The following BLOC1S2 variants were observed in gnomAD, a reference collection of about 807,000 sequenced individuals.
BLOC1S2 encodes biogenesis of lysosome-related organelles complex 1 subunit 2.
A neutral mutation model predicts 19.6 loss-of-function variants in BLOC1S2; 12 were observed. The observed-to-expected ratio is 0.61, with a 90% CI of 0.39 to 0.99. The LOEUF is 0.99. BLOC1S2 is among the 50% of genes least tolerant of loss of function. BLOC1S2 has a pLI of 0.00. For synonymous variants in BLOC1S2, 66 were observed against 64.1 expected (o/e 1.03, Z -0.14); for missense variants, 142 against 171.0 (o/e 0.83, Z 0.95).
chr10:100,275,329 G>A lies in BLOC1S2; in HGVS notation c.*133C>T, dbSNP rs780342093. On this transcript the variant is annotated 3_prime_UTR_variant, in exon 5 of 5. Coordinates refer to ENST00000370372, the MANE Select transcript of BLOC1S2 (RefSeq NM_173809.5). Reference sequence around the variant, plus strand: ...CAGTCCTCCAGTTTACTCGAACGTTGAGATGTTCCTGTGATGACCAGCATA... The same window carrying A: ...CAGTCCTCCAGTTTACTCGAACGTTAAGATGTTCCTGTGATGACCAGCATA... The A allele has an allele frequency of 9.1e-4, 800 of 880,012 alleles. No homozygotes were observed. The highest frequency in any genetic ancestry group is 9.5e-4 in the Admixed American group (41 of 43,240). The allele number at this position is 880,012 out of a possible 1,614,324, so 54.5% of individuals were successfully genotyped here. A position where few individuals can be genotyped will look rare whatever the true frequency, so the allele number is the denominator to read the frequency against.
chr10:100,280,341 A>T (rs1221518965), intron 3 of BLOC1S2, 113 bp from the exon 4 acceptor site: 2 of 901,210 alleles, frequency 2.2e-6, no homozygotes, highest in Admixed American at 3.0e-5. Flanking sequence ...AAGACAGATT[A>T]GGTGGCGTGA....
At chr10:100,286,061 C>G in intron 2 of BLOC1S2, 36 bp downstream of exon 2, 1 of 1,609,936 alleles carries the variant, frequency 6.2e-7, no homozygotes, top group Admixed American at 1.7e-5. Flanking sequence ...CCTCCTGGGC[C>G]AAACCGCACC....
chr10:100,286,041 A>G, intron 2 of BLOC1S2, 56 bp downstream of exon 2: 4 of 1,596,738 alleles, frequency 2.5e-6, no homozygotes, highest in Non-Finnish European at 3.4e-6. Flanking sequence ...GCTGCTAACC[A>G]TCTCCCAGGC....
chr10:100,286,007 G>A, intron 2 of BLOC1S2, 90 bp downstream of exon 2: 22 of 1,535,110 alleles, frequency 1.4e-5, no homozygotes, highest in Non-Finnish European at 1.9e-5. Flanking sequence ...GGCATGCAGG[G>A]TAGGAAGGGA....
In BLOC1S2 at chr10:100,274,858, A is replaced by G. The variant is rs754904948; in HGVS notation, c.*604T>C. The G allele has an allele frequency of 3.5e-5, 14 of 397,758 alleles. No individual in the cohort carries two copies. The highest frequency in any genetic ancestry group is 1.1e-4 in the East Asian group (3 of 28,024). 24.6% of individuals were successfully genotyped at this position (397,758 alleles called of 1,614,324 possible). ...AAAATAAACAAGAGGGGCCCATCAC[A>G]TACGCCAAGTTATCAATACTCCTTT... is the stretch of plus-strand genomic sequence containing the variant. On this transcript the variant is annotated 3_prime_UTR_variant, in exon 5 of 5. Coordinates refer to ENST00000370372, the MANE Select transcript of BLOC1S2 (RefSeq NM_173809.5).
chr10:100,281,155 G>A, intron 2 of BLOC1S2, 102 bp from the exon 3 acceptor site: 2 of 1,422,978 alleles, frequency 1.4e-6, no homozygotes, highest in Non-Finnish European at 1.9e-6. Flanking sequence ...GACCAAGGAA[G>A]TGTCAAAGGA....
chr10:100,275,316 T>C lies in BLOC1S2; in HGVS notation c.*146A>G, dbSNP rs1254378776. On this transcript the variant is annotated 3_prime_UTR_variant, in exon 5 of 5. Coordinates refer to ENST00000370372, the MANE Select transcript of BLOC1S2 (RefSeq NM_173809.5). Reference sequence around the variant, plus strand: ...TCAGGAATAGCCACAGTCCTCCAGTTTACTCGAACGTTGAGATGTTCCTGT... The same window carrying C: ...TCAGGAATAGCCACAGTCCTCCAGTCTACTCGAACGTTGAGATGTTCCTGT... The C allele has an allele frequency of 5.2e-6, 4 of 764,886 alleles. No homozygotes were observed. The East Asian group carries it at 9.9e-5, about 19-fold the overall frequency. 47.4% of individuals were successfully genotyped at this position (764,886 alleles called of 1,614,324 possible). A position where few individuals can be genotyped will look rare whatever the true frequency, so the allele number is the denominator to read the frequency against.
chr10:100,278,119 A>C (rs1398017609), intron 4 of BLOC1S2, among the ~76,000 whole-genome samples: 2 of 114,982 alleles, frequency 1.7e-5, no homozygotes, highest in African/African-American at 3.7e-5. Flanking sequence ...GGGGGCGGTC[A>C]GCGCCCCCTC....
intron 2 of BLOC1S2, among the ~76,000 whole-genome samples, chr10:100,281,693 A>T (rs662398): frequency 0.1 from 14,273 of 138,826 alleles, 1,015 homozygotes; most frequent in East Asian, 0.28. Flanking sequence ...AAAAAAAAAA[A>T]ATATATATAT....
chr10:100,278,125 C>T (rs1305168814), intron 4 of BLOC1S2, among the ~76,000 whole-genome samples: 2 of 145,028 alleles, frequency 1.4e-5, no homozygotes, highest in Non-Finnish European at 3.1e-5. Context: ...GGTCAGCGCC[C>T]CCTCCCGGCC....
intron 4 of BLOC1S2, among the ~76,000 whole-genome samples, chr10:100,278,641 C>T (rs935655386): frequency 1.3e-5 from 2 of 152,200 alleles, no homozygotes; most frequent in Non-Finnish European, 2.9e-5. Context: ...GCAGCATGCT[C>T]GTTAAGAGTC....
chr10:100,276,349 G>GTCTCCC lies in BLOC1S2; in HGVS notation c.398-862_398-857dup, dbSNP rs1374180097. Among the ~76,000 whole-genome samples the GTCTCCC allele has an allele frequency of 9.3e-4, 37 of 39,738 alleles. 5 individuals carry two copies. The highest frequency in any genetic ancestry group is 5.3e-3 in the African/African-American group (32 of 6,024). The allele number at this position is 39,738 out of a possible 152,430, so 26.1% of individuals were successfully genotyped here. On this transcript the variant is annotated intron_variant, in intron 4 of 4. Transcript: ENST00000370372. ...TCTCTCTCTCCCGTCTCCCTCTCCC[G>GTCTCCC]TCTCCCTCTCCCGTCTCCCTCTCCC...
At chr10:100,284,166 G>A (rs1848178328) in intron 2 of BLOC1S2, among the ~76,000 whole-genome samples, 1 of 152,220 alleles carries the variant, frequency 6.6e-6, no homozygotes, top group African/African-American at 2.4e-5. Flanking sequence ...CTAGTTCCCA[G>A]TAAAGGGAGA....
At chr10:100,286,504 C>G in intron 1 of BLOC1S2, 101 bp downstream of exon 1, 1 of 1,543,758 alleles carries the variant, frequency 6.5e-7, no homozygotes, top group Non-Finnish European at 8.8e-7. Flanking sequence ...CTCTCACCAG[C>G]CCGTTCCTGC....
chr10:100,286,232 A>T lies in BLOC1S2; in HGVS notation c.56-19T>A, dbSNP rs1337519918. ...GCATCGTCTGGGCCAAGGGAGAATG[A>T]CTAAGTGTCCCGCCTACACCCGGTG... On this transcript the variant is annotated intron_variant, in intron 1 of 4. Transcript: ENST00000370372. 6.2e-7 allele frequency: 1 copy of T among 1,612,336 alleles called. No individual in the cohort carries two copies. The highest frequency in any genetic ancestry group is 1.7e-5 in the Admixed American group (1 of 59,784).
intron 4 of BLOC1S2, among the ~76,000 whole-genome samples, chr10:100,277,553 G>T (rs1847939604): frequency 8.1e-6 from 1 of 123,708 alleles, no homozygotes; most frequent in Non-Finnish European, 1.8e-5. Flanking sequence ...CGGGAGGGAG[G>T]TGGGGGGGTC....
Position 100,278,106 on chromosome 10 carries a change from TG to T in BLOC1S2, c.397+2017del, listed in dbSNP as rs71013436. Among the ~76,000 whole-genome samples the T allele has an allele frequency of 9.2e-3, 633 of 68,920 alleles. 20 individuals are homozygous for T. Among genetic ancestry groups the T allele is most frequent in the South Asian group, 0.013 (31 of 2,328 alleles). The allele number at this position is 68,920 out of a possible 152,430, so 45.2% of individuals were successfully genotyped here. ...CCAGCCGCTCCGTCCGGGAGGGAGG[TG>T]GGGGGGCGGTCAGCGCCCCCTCCCG... On this transcript the variant is annotated intron_variant, in intron 4 of 4. Transcript: ENST00000370372.
Position 100,275,249 on chromosome 10 carries a change from T to G in BLOC1S2, c.*213A>C. 1 of 493,302 alleles carries G rather than the reference T, an allele frequency of 2.0e-6. No individual in the cohort carries two copies. Among genetic ancestry groups the G allele is most frequent in the East Asian group, 3.0e-5 (1 of 33,664 alleles). 30.6% of individuals were successfully genotyped at this position (493,302 alleles called of 1,614,324 possible). A position where few individuals can be genotyped will look rare whatever the true frequency, so the allele number is the denominator to read the frequency against. The stretch of plus-strand genomic sequence containing the variant: ...AAGCATTCAAGTAAAAGGTAGGAAG[T>G]TATAAGTGTGAGATTCTGAGGGATT... On this transcript the variant is annotated 3_prime_UTR_variant, in exon 5 of 5. Transcript: ENST00000370372.
At chr10:100,277,886 G>T in intron 4 of BLOC1S2, among the ~76,000 whole-genome samples, 1 of 119,088 alleles carries the variant, frequency 8.4e-6, no homozygotes, top group Non-Finnish European at 1.8e-5. Context: ...GGAGGTGGGG[G>T]GGTCAGCCCC....
Sources: gnomAD v4.1 joint callset for allele counts (sites outside exome capture counted in the v4.1 genomes callset) on GRCh38, gnomAD v4.1.1 for gene constraint, MANE v1.5 for transcripts, NCBI Gene and HGNC (gene_info 2026-07-23, HGNC 2026-07-21) for gene names.